The following FUT8 variants were observed in gnomAD, a reference collection of about 807,000 sequenced individuals.
FUT8 encodes the protein fucosyltransferase 8.
Under a neutral mutation model 71.3 loss-of-function variants are expected in FUT8, and 29 were observed. That is an observed-to-expected ratio of 0.41 (90% CI 0.30 to 0.55). The LOEUF (loss-of-function observed/expected upper bound fraction) is 0.55. Ranked by LOEUF, FUT8 falls within the 20% of genes least tolerant of loss-of-function variation. FUT8 has a pLI of 0.34. For missense variants in FUT8, 544 were observed against 702.1 expected (o/e 0.77, Z 2.55); for synonymous variants, 254 against 239.3 (o/e 1.06, Z -0.57).
chr14:65,611,303 C>CACACACACACACACA lies in FUT8; in HGVS notation c.204-4675_204-4674insACACACACACACACA, dbSNP rs1566851612. 2.8e-4 allele frequency among the ~76,000 whole-genome samples: 12 copies of CACACACACACACACA among 42,544 alleles called. 4 individuals are homozygous for CACACACACACACACA. Among genetic ancestry groups the CACACACACACACACA allele is most frequent in the African/African-American group, 1.4e-3 (12 of 8,536 alleles). 27.9% of individuals were successfully genotyped at this position (42,544 alleles called of 152,430 possible). ...CACACACACACACACACACACACAC[C>CACACACACACACACA]CCCCAAGTAATAGCCTTGATTTTGC... On this transcript the variant is annotated intron_variant, in intron 3 of 10. Transcript: ENST00000673929.
At chr14:65,503,634 C>T (rs1171658016) in intron 2 of FUT8, among the ~76,000 whole-genome samples, 1 of 152,148 alleles carries the variant, frequency 6.6e-6, no homozygotes, top group Non-Finnish European at 1.5e-5. Context: ...AAGAGCCTCT[C>T]TCTGCCCTTC....
intron 1 of FUT8, among the ~76,000 whole-genome samples, chr14:65,423,449 G>A (rs1297972837): frequency 2.0e-5 from 3 of 151,868 alleles, no homozygotes; most frequent in African/African-American, 4.8e-5. Context: ...TTTTAGTAGA[G>A]ACTGGGGTTT....
intron 1 of FUT8, among the ~76,000 whole-genome samples, chr14:65,431,608 A>C (rs1407571282): frequency 1.3e-5 from 2 of 149,598 alleles, no homozygotes; most frequent in Non-Finnish European, 3.0e-5. Context: ...CCACCACTCT[A>C]CTTCTTCCTA....
Position 65,472,802 on chromosome 14 carries a change from AT to A in FUT8, c.-228+17092del, listed in dbSNP as rs1162372020. 3.3e-5 allele frequency among the ~76,000 whole-genome samples: 5 copies of A among 151,790 alleles called. No individual in the cohort carries two copies. Among genetic ancestry groups the A allele is most frequent in the East Asian group, 3.8e-4 (2 of 5,200 alleles). ...ACAGAATAAGGTAATGTTTATTCTT[AT>A]TTTTTTTGTGATATGGTAAAAAACT... is the stretch of plus-strand genomic sequence containing the variant. On this transcript the variant is annotated intron_variant, in intron 2 of 10. Transcript: ENST00000673929. This position sits in a 1 kb window ranked among gnomAD's most constrained non-coding sequence, Gnocchi z 4.4.
intron 1 of FUT8, among the ~76,000 whole-genome samples, chr14:65,438,436 T>C (rs2065593280): frequency 6.6e-6 from 1 of 152,192 alleles, no homozygotes; most frequent in Non-Finnish European, 1.5e-5. Flanking sequence ...TAGAAGTATT[T>C]GGTATTTCCC....
At chr14:65,675,013 GA>G (rs1892647948) in intron 7 of FUT8, among the ~76,000 whole-genome samples, 1 of 152,174 alleles carries the variant, frequency 6.6e-6, no homozygotes, top group Admixed American at 6.5e-5. Flanking sequence ...GGCCACAAAA[GA>G]AAGAAAGATC....
Position 65,550,880 on chromosome 14 carries a change from A to C in FUT8, c.-227-10457A>C, listed in dbSNP as rs1331616595. 6.6e-6 allele frequency among the ~76,000 whole-genome samples: 1 copy of C among 152,162 alleles called. No individual in the cohort carries two copies. Among genetic ancestry groups the C allele is most frequent in the African/African-American group, 2.4e-5 (1 of 41,420 alleles). The stretch of plus-strand genomic sequence containing the variant: ...TTCAACTGTACTTCTGTTGATGGGC[A>C]ATTACGTTGTTTTTCCAGTTTAGTG... On this transcript the variant is annotated intron_variant, in intron 2 of 10. Coordinates refer to ENST00000673929, the MANE Select transcript of FUT8 (RefSeq NM_001371533.1). The surrounding 1 kb of genome is among the most constrained non-coding windows in gnomAD (Gnocchi z 4.5).
chr14:65,469,639 C>G (rs1217131313), intron 2 of FUT8, among the ~76,000 whole-genome samples: 1 of 152,204 alleles, frequency 6.6e-6, no homozygotes. Context: ...GGCAGCCCCT[C>G]TCTATAGGCA....
chr14:65,372,614 A>G, the FUT8 span, among the ~76,000 whole-genome samples: 1 of 151,842 alleles, frequency 6.6e-6, no homozygotes, highest in East Asian at 1.9e-4. Flanking sequence ...ACGGGGTTTC[A>G]CCATGTTGCC....
At chr14:65,587,923 C>G (rs2140131626) in intron 3 of FUT8, among the ~76,000 whole-genome samples, 1 of 152,266 alleles carries the variant, frequency 6.6e-6, no homozygotes. Flanking sequence ...TGACAGCCCA[C>G]TGAATCTGAT....
At chr14:65,712,397 T>G (rs907881025) in intron 7 of FUT8, among the ~76,000 whole-genome samples, 10 of 152,330 alleles carry the variant, frequency 6.6e-5, no homozygotes, top group African/African-American at 2.2e-4. Context: ...GCAATACACA[T>G]TCTATTATCA....
upstream of FUT8, chr14:65,412,369 G>A (rs564925350): frequency 3.3e-5 from 15 of 455,344 alleles, 1 homozygote; most frequent in South Asian, 2.2e-4. Context: ...GAGCTGGCAC[G>A]GGCCGGTCCA....
At chr14:65,391,099 G>A in the FUT8 span, among the ~76,000 whole-genome samples, 1 of 152,140 alleles carries the variant, frequency 6.6e-6, no homozygotes, top group Admixed American at 6.5e-5. Flanking sequence ...TCTGGAACAT[G>A]AGGGAAAGAA....
intron 6 of FUT8, among the ~76,000 whole-genome samples, chr14:65,658,938 T>C (rs1228926029): frequency 6.6e-6 from 1 of 152,148 alleles, no homozygotes; most frequent in Non-Finnish European, 1.5e-5. Flanking sequence ...GTCAATTTCC[T>C]GATTTTGATA....
chr14:65,716,902 G>C (rs1895100163), intron 7 of FUT8, among the ~76,000 whole-genome samples: 1 of 145,310 alleles, frequency 6.9e-6, no homozygotes, highest in Non-Finnish European at 1.5e-5. Context: ...GCCGGGCAGA[G>C]GCGCTCCCCA....
At chr14:65,452,713 A>G (rs2065845813) in intron 1 of FUT8, among the ~76,000 whole-genome samples, 1 of 152,222 alleles carries the variant, frequency 6.6e-6, no homozygotes, top group South Asian at 2.1e-4. Context: ...CCAAAAAGGA[A>G]TTGAGGGAAT....
At chr14:65,586,428 T>C (rs977992012) in intron 3 of FUT8, among the ~76,000 whole-genome samples, 1 of 152,212 alleles carries the variant, frequency 6.6e-6, no homozygotes, top group Non-Finnish European at 1.5e-5. Context: ...TTGAAAAATA[T>C]ATCATTTAAT....
intron 2 of FUT8, chr14:65,528,862 G>C (rs1487479178): frequency 6.6e-6 from 1 of 152,252 alleles, no homozygotes; most frequent in Non-Finnish European, 1.5e-5. Context: ...TCATCATCTT[G>C]AGTATCATAA....
chr14:65,628,156 T>C (rs555008850), intron 5 of FUT8, among the ~76,000 whole-genome samples: 1 of 152,226 alleles, frequency 6.6e-6, no homozygotes, highest in African/African-American at 2.4e-5. Context: ...GAGGATCAAA[T>C]AGAAAAGCTC....
Sources: allele counts gnomAD v4.1 joint callset (sites outside exome capture counted in the v4.1 genomes callset), GRCh38; gene constraint gnomAD v4.1.1; non-coding constraint Gnocchi (gnomAD v3.1); transcripts MANE v1.5; gene names NCBI Gene and HGNC (gene_info 2026-07-23, HGNC 2026-07-21).